The following AHCYL2 variants were observed in gnomAD, a reference collection of about 807,000 sequenced individuals.
The protein encoded by AHCYL2 is adenosylhomocysteinase like 2.
In AHCYL2, 28 loss-of-function variants were observed where a neutral mutation model predicts 81.4. The observed-to-expected ratio is 0.34, with a 90% confidence interval of 0.25 to 0.47. The LOEUF (loss-of-function observed/expected upper bound fraction) is 0.47. Among genes scored for constraint, AHCYL2 ranks in the 20% least tolerant of loss-of-function variants. The pLI is 1.00. For missense variants in AHCYL2, 551 were observed against 785.1 expected, an observed-to-expected ratio of 0.70 and a Z score of 3.56; for synonymous variants, 272 against 290.2, an observed-to-expected ratio of 0.94 and a Z score of 0.64.
intron 13 of AHCYL2, 143 bp downstream of exon 13, chr7:129,423,081 A>C (rs1316319585): frequency 4.5e-5 from 28 of 624,828 alleles, no homozygotes; most frequent in Non-Finnish European, 6.9e-5. Context: ...TTTACTTCTA[A>C]TTGTGAAAGA....
At chr7:129,329,676 G>A (rs1798348515) in intron 1 of AHCYL2, among the ~76,000 whole-genome samples, 1 of 152,244 alleles carries the variant, frequency 6.6e-6, no homozygotes, top group Non-Finnish European at 1.5e-5. Context: ...CCTTTGGCAA[G>A]TTGCCTAATT....
intron 1 of AHCYL2, among the ~76,000 whole-genome samples, chr7:129,378,844 G>C (rs1794813498): frequency 6.6e-6 from 1 of 152,014 alleles, no homozygotes; most frequent in Non-Finnish European, 1.5e-5. Flanking sequence ...ATGATAATCT[G>C]AAATATTCTT....
chr7:129,341,944 A>G (rs1793200330), intron 1 of AHCYL2, among the ~76,000 whole-genome samples: 1 of 152,204 alleles, frequency 6.6e-6, no homozygotes, highest in Admixed American at 6.5e-5. Flanking sequence ...CAAGTCTGTT[A>G]AGTGGTACAG....
At chr7:129,399,812 C>T (rs186048533) in intron 5 of AHCYL2, among the ~76,000 whole-genome samples, 4 of 151,208 alleles carry the variant, frequency 2.6e-5, no homozygotes, top group Non-Finnish European at 5.9e-5. Flanking sequence ...CTGCAACCTC[C>T]ACCTCCCAGG....
intron 1 of AHCYL2, among the ~76,000 whole-genome samples, chr7:129,321,139 CT>C (rs1374915281): frequency 6.6e-6 from 1 of 152,116 alleles, no homozygotes; most frequent in Non-Finnish European, 1.5e-5. Flanking sequence ...GACAATTTTA[CT>C]TTTTTCTTTC....
intron 1 of AHCYL2, among the ~76,000 whole-genome samples, chr7:129,377,103 G>A (rs1328585938): frequency 1.3e-5 from 2 of 152,182 alleles, no homozygotes; most frequent in East Asian, 3.8e-4. Flanking sequence ...TAGGATTTGT[G>A]CCTGCAGATA....
chr7:129,314,485 C>T (rs1260896592), intron 1 of AHCYL2, among the ~76,000 whole-genome samples: 1 of 152,090 alleles, frequency 6.6e-6, no homozygotes, highest in Non-Finnish European at 1.5e-5. Context: ...GTTCTGGAGA[C>T]CAGGAAGTTC....
chr7:129,332,557 G>A (rs1166932769), intron 1 of AHCYL2, among the ~76,000 whole-genome samples: 1 of 152,204 alleles, frequency 6.6e-6, no homozygotes, highest in Non-Finnish European at 1.5e-5. Context: ...GGATTCAGAA[G>A]CCAGAAGCAC....
chr7:129,369,689 A>T (rs904091182), intron 1 of AHCYL2, among the ~76,000 whole-genome samples: 1 of 151,028 alleles, frequency 6.6e-6, no homozygotes, highest in Non-Finnish European at 1.5e-5. Context: ...AGTAGCTGGG[A>T]TTACAGGTGT....
rs531720682 is a variant in AHCYL2, at chr7:129,228,243, A to G, written c.363+2804A>G. Among the ~76,000 whole-genome samples, 12 of 152,328 alleles carry G rather than the reference A, an allele frequency of 7.9e-5. No individual in the cohort carries two copies. In the East Asian group the frequency reaches 2.1e-3, roughly 27 times the overall value. ...AACATTTATTTTAAGTCACATTTCC[A>G]TAGATGGTTTTCCTTACTTCATTCA... On this transcript the variant is annotated intron_variant, in intron 1 of 16. Transcript: ENST00000325006.
At chr7:129,286,111 T>C (rs1796621284) in intron 1 of AHCYL2, among the ~76,000 whole-genome samples, 3 of 152,184 alleles carry the variant, frequency 2.0e-5, no homozygotes, top group Non-Finnish European at 4.4e-5. Context: ...TCACAGTGTC[T>C]TTCTTTGGAG....
rs1254696549 is a variant in AHCYL2, at chr7:129,419,417, G to A, written c.1462-3423G>A. Among the ~76,000 whole-genome samples the A allele has an allele frequency of 1.3e-5, 2 of 152,170 alleles. No individual in the cohort carries two copies. Among genetic ancestry groups the A allele is most frequent in the Admixed American group, 6.5e-5 (1 of 15,274 alleles). Reference sequence around the variant, plus strand: ...AAAAATACAAAAATTAGCTGGGCATGGTGGCGTGTGCCTGTAATCCCAGCT... The same window carrying A: ...AAAAATACAAAAATTAGCTGGGCATAGTGGCGTGTGCCTGTAATCCCAGCT... On this transcript the variant is annotated intron_variant, in intron 12 of 16. Coordinates refer to ENST00000325006, the MANE Select transcript of AHCYL2 (RefSeq NM_015328.4). This position sits in a 1 kb window ranked among gnomAD's most constrained non-coding sequence, Gnocchi z 4.7.
chr7:129,283,484 A>T (rs1796520585), intron 1 of AHCYL2: 1 of 455,250 alleles, frequency 2.2e-6, no homozygotes, highest in Non-Finnish European at 4.4e-6. Context: ...CATTATTTTA[A>T]ATACTTCTTA....
chr7:129,335,191 ACT>A (rs1226130576), intron 1 of AHCYL2, among the ~76,000 whole-genome samples: 1 of 151,906 alleles, frequency 6.6e-6, no homozygotes, highest in Non-Finnish European at 1.5e-5. Flanking sequence ...ACACGGTGAA[ACT>A]CTGTCTCTAC....
chr7:129,242,522 T>C (rs764153925), intron 1 of AHCYL2, among the ~76,000 whole-genome samples: 6 of 151,872 alleles, frequency 4.0e-5, no homozygotes, highest in East Asian at 1.9e-4. Flanking sequence ...TTGAGACCAG[T>C]CTGGCCAATA....
intron 11 of AHCYL2, among the ~76,000 whole-genome samples, chr7:129,410,796 A>G (rs977713805): frequency 2.0e-5 from 3 of 152,226 alleles, no homozygotes; most frequent in African/African-American, 7.2e-5. Flanking sequence ...CTACAGGAAC[A>G]CTGGTTTTCT....
chr7:129,316,001 G>C (rs1563193379), intron 1 of AHCYL2, among the ~76,000 whole-genome samples: 1 of 152,172 alleles, frequency 6.6e-6, no homozygotes. Context: ...TGAAACCCCA[G>C]AGGGCCAGAG....
At chr7:129,231,933 A>C (rs1030481550) in intron 1 of AHCYL2, among the ~76,000 whole-genome samples, 5 of 144,592 alleles carry the variant, frequency 3.5e-5, no homozygotes, top group South Asian at 2.2e-4. Context: ...TGGTGATTTT[A>C]TTTTCTTTTT....
Position 129,427,569 on chromosome 7 carries a change from G to A in AHCYL2, c.*524G>A, listed in dbSNP as rs1797416378. 6.5e-6 allele frequency: 1 copy of A among 153,070 alleles called. No individual in the cohort carries two copies. Among genetic ancestry groups the A allele is most frequent in the South Asian group, 2.1e-4 (1 of 4,840 alleles). The allele number at this position is 153,070 out of a possible 1,614,324, so 9.5% of individuals were successfully genotyped here. On this transcript the variant is annotated 3_prime_UTR_variant, in exon 17 of 17. Transcript: ENST00000325006. This position sits in a 1 kb window ranked among gnomAD's most constrained non-coding sequence, Gnocchi z 5.5. The stretch of plus-strand genomic sequence containing the variant: ...GCCTTCTTTATATAAAGGCTAATAA[G>A]GAAGGAGTGTTATTTATGGCTTTGC...
Sources: gnomAD v4.1 joint callset for allele counts (sites outside exome capture counted in the v4.1 genomes callset) on GRCh38, gnomAD v4.1.1 for gene constraint, Gnocchi (gnomAD v3.1) non-coding constraint, MANE v1.5 for transcripts, NCBI Gene and HGNC (gene_info 2026-07-23, HGNC 2026-07-21) for gene names.